The following SYNPR variants were observed in gnomAD, a reference collection of about 807,000 sequenced individuals.
The protein encoded by SYNPR is synaptoporin.
A neutral mutation model predicts 32.9 loss-of-function variants in SYNPR; 23 were observed. That is an observed-to-expected ratio of 0.70 (90% CI 0.50 to 0.99). The LOEUF is 0.99. SYNPR is among the 50% of genes least tolerant of loss of function. SYNPR has a pLI of 0.00. For synonymous variants in SYNPR, 146 were observed against 135.9 expected, an observed-to-expected ratio of 1.07 and a Z score of -0.52; for missense variants, 318 against 349.3, an observed-to-expected ratio of 0.91 and a Z score of 0.71.
intron 1 of SYNPR, among the ~76,000 whole-genome samples, chr3:63,240,860 C>T (rs956471285): frequency 1.3e-5 from 2 of 152,118 alleles, no homozygotes; most frequent in Non-Finnish European, 2.9e-5. Flanking sequence ...GCCAGCACAT[C>T]ACCAGCTAAT....
intron 2 of SYNPR, among the ~76,000 whole-genome samples, chr3:63,401,521 G>A (rs150918056): frequency 0.013 from 1,933 of 152,314 alleles, 22 homozygotes; most frequent in Non-Finnish European, 0.02. Context: ...AGAATGAGAA[G>A]GTAGGGAGAA....
intron 3 of SYNPR, among the ~76,000 whole-genome samples, chr3:63,496,776 C>T (rs1051726851): frequency 6.6e-6 from 1 of 151,702 alleles, no homozygotes; most frequent in South Asian, 2.1e-4. Context: ...TATCTAATCA[C>T]TGGCATACCC....
chr3:63,359,874 G>A (rs2087633298), intron 2 of SYNPR, among the ~76,000 whole-genome samples: 2 of 152,150 alleles, frequency 1.3e-5, no homozygotes, highest in Admixed American at 6.5e-5. Flanking sequence ...TTTGGTAAAT[G>A]TAAGAATTTA....
chr3:63,442,998 G>A (rs1700208498), intron 2 of SYNPR: 2 of 989,134 alleles, frequency 2.0e-6, no homozygotes, highest in Non-Finnish European at 2.4e-6. Flanking sequence ...TTGTTTTTAA[G>A]CACTGTGCTT....
intron 2 of SYNPR, among the ~76,000 whole-genome samples, chr3:63,334,854 C>G (rs1045456434): frequency 2.0e-5 from 3 of 151,940 alleles, no homozygotes; most frequent in Non-Finnish European, 4.4e-5. Context: ...CTGCAATAAC[C>G]TTTGCACCAA....
At chr3:63,225,699 A>G (rs1340829865), upstream of SYNPR, among the ~76,000 whole-genome samples, 2 of 152,210 alleles carry the variant, frequency 1.3e-5, no homozygotes, top group African/African-American at 2.4e-5. Context: ...TAAAACTACT[A>G]GAAGAAAACA....
At chr3:63,453,609 A>G (rs1700423695) in intron 2 of SYNPR, among the ~76,000 whole-genome samples, 1 of 152,154 alleles carries the variant, frequency 6.6e-6, no homozygotes, top group Admixed American at 6.6e-5. Context: ...TGACATCTAA[A>G]CTTCACATTT....
At chr3:63,428,345 G>A (rs145913085) in intron 2 of SYNPR, among the ~76,000 whole-genome samples, 24 of 152,258 alleles carry the variant, frequency 1.6e-4, no homozygotes, top group African/African-American at 5.8e-4. Context: ...TCACATTATT[G>A]CCTCTGTTTA....
the SYNPR span, among the ~76,000 whole-genome samples, chr3:63,211,979 G>A: frequency 2.7e-4 from 15 of 56,318 alleles, no homozygotes; most frequent in East Asian, 2.7e-3. Context: ...TTGTTCTTGC[G>A]ATAGTTTACT....
chr3:63,204,684 A>ATT, the SYNPR span, among the ~76,000 whole-genome samples: 24 of 149,614 alleles, frequency 1.6e-4, no homozygotes, highest in South Asian at 6.4e-4. Flanking sequence ...TCCTCGAGTG[A>ATT]TTTTTTTTTT....
chr3:63,472,900 T>A (rs974736012), intron 2 of SYNPR, among the ~76,000 whole-genome samples: 3 of 152,274 alleles, frequency 2.0e-5, no homozygotes, highest in East Asian at 1.9e-4. Flanking sequence ...GGCTGTCTGT[T>A]ATAAGTGCTC....
intron 3 of SYNPR, among the ~76,000 whole-genome samples, chr3:63,543,334 T>C (rs1702340623): frequency 6.6e-6 from 1 of 152,162 alleles, no homozygotes; most frequent in African/African-American, 2.4e-5. Context: ...AACAAAATTA[T>C]TGAATATTAA....
chr3:63,204,025 G>T, the SYNPR span, among the ~76,000 whole-genome samples: 107 of 151,986 alleles, frequency 7.0e-4, no homozygotes, highest in African/African-American at 2.0e-3. Flanking sequence ...AAAAAAGTTT[G>T]CTGGCTGGCT....
intron 3 of SYNPR, among the ~76,000 whole-genome samples, chr3:63,506,209 T>C (rs557747196): frequency 6.6e-6 from 1 of 152,128 alleles, no homozygotes; most frequent in Admixed American, 6.6e-5. Context: ...CAGAGCAAAT[T>C]TGCAATATGA....
At chr3:63,274,472 T>C (rs1357881063), upstream of SYNPR, among the ~76,000 whole-genome samples, 1 of 152,202 alleles carries the variant, frequency 6.6e-6, no homozygotes, top group South Asian at 2.1e-4. Flanking sequence ...GATTGGTACT[T>C]TGGTTTGTAT....
chr3:63,563,053 C>T (rs1279796794), intron 4 of SYNPR, among the ~76,000 whole-genome samples: 5 of 152,232 alleles, frequency 3.3e-5, no homozygotes, highest in East Asian at 1.9e-4. Context: ...TAATTATTCT[C>T]CTGTCCATTA....
At chr3:63,528,171 A>G (rs1314407594) in intron 3 of SYNPR, among the ~76,000 whole-genome samples, 1 of 152,122 alleles carries the variant, frequency 6.6e-6, no homozygotes, top group Non-Finnish European at 1.5e-5. Flanking sequence ...CTCCCTCTTG[A>G]TCATCCCTCA....
chr3:63,223,481 A>G (rs1575568750), upstream of SYNPR, among the ~76,000 whole-genome samples: 1 of 151,886 alleles, frequency 6.6e-6, no homozygotes, highest in Non-Finnish European at 1.5e-5. Flanking sequence ...GCTTGGTACC[A>G]GCTGAGACAT....
chr3:63,516,785 T>C (rs1701808776), intron 3 of SYNPR, among the ~76,000 whole-genome samples: 1 of 152,124 alleles, frequency 6.6e-6, no homozygotes, highest in South Asian at 2.1e-4. Flanking sequence ...TTTCTTCTTG[T>C]TAAATATCTG....
Sources: gnomAD v4.1 joint callset for allele counts (sites outside exome capture counted in the v4.1 genomes callset) on GRCh38, gnomAD v4.1.1 for gene constraint, MANE v1.5 for transcripts, NCBI Gene and HGNC (gene_info 2026-07-23, HGNC 2026-07-21) for gene names.